ZDHHC11: variants seen among roughly 807,000 people sequenced by gnomAD.
ZDHHC11 encodes the protein zDHHC palmitoyltransferase 11.
Under a neutral mutation model 51.3 loss-of-function variants are expected in ZDHHC11, and 44 were observed. That is an observed-to-expected ratio of 0.86 (90% CI 0.67 to 1.10). The LOEUF is 1.10. Among genes scored for constraint, ZDHHC11 ranks in the 50% least tolerant of loss-of-function variants. The pLI is 0.00. For synonymous variants in ZDHHC11, 163 were observed against 222.0 expected (o/e 0.73, Z 2.36); for missense variants, 400 against 537.7 (o/e 0.74, Z 2.53).
chr5:833,420 T>C (rs1743325596), intron 7 of ZDHHC11, among the ~76,000 whole-genome samples: 2 of 151,788 alleles, frequency 1.3e-5, no homozygotes, highest in Admixed American at 1.3e-4. Context: ...ACAATGTCTA[T>C]GAAACACTAT....
At chr5:840,933 G>A in intron 4 of ZDHHC11, 1 of 1,381,606 alleles carries the variant, frequency 7.2e-7, no homozygotes. Flanking sequence ...TAAGTGCTGG[G>A]GTCACAGCGC....
At chr5:852,297 G>A (rs1747344232), upstream of ZDHHC11, among the ~76,000 whole-genome samples, 1 of 152,212 alleles carries the variant, frequency 6.6e-6, no homozygotes, top group Non-Finnish European at 1.5e-5. Flanking sequence ...CTTGAGCCTT[G>A]AGCCTGGAGA....
intron 11 of ZDHHC11, among the ~76,000 whole-genome samples, chr5:808,327 C>G (rs1579561357): frequency 6.6e-6 from 1 of 152,040 alleles, no homozygotes; most frequent in East Asian, 1.9e-4. Flanking sequence ...TGCAGAGAGA[C>G]AGCCCTATGG....
In ZDHHC11 at chr5:819,993, TGTCAGGTGG is replaced by T. The variant is rs949868709; in HGVS notation, c.1059-390_1059-382del. Among the ~76,000 whole-genome samples the T allele has an allele frequency of 1.6e-4, 24 of 151,356 alleles. 1 individual carries two copies. The East Asian group carries it at 3.9e-3, about 24-fold the overall frequency. ...CAGCACATCATACATGTCACAGGGG[TGTCAGGTGG>T]GTCAGGTGACCTTCATTTTTACCTG... On this transcript the variant is annotated intron_variant, in intron 9 of 12. Transcript: ENST00000283441.
At chr5:804,303 A>T (rs1228289278) in intron 11 of ZDHHC11, among the ~76,000 whole-genome samples, 2 of 151,398 alleles carry the variant, frequency 1.3e-5, no homozygotes, top group Admixed American at 6.6e-5. Flanking sequence ...CTGTATACAC[A>T]ATCTGCCCAT....
In ZDHHC11 at chr5:816,424, G is replaced by A. The variant is rs568507914; in HGVS notation, c.1147-1629C>T. The A allele has an allele frequency of 2.4e-4, 106 of 441,908 alleles. 3 individuals carry two copies. Among genetic ancestry groups the A allele is most frequent in the African/African-American group, 2.0e-3 (99 of 50,138 alleles). 27.4% of individuals were successfully genotyped at this position (441,908 alleles called of 1,614,324 possible). Reference sequence around the variant, plus strand: ...GGGTTGGCGGGGGTTCCAGCTGCGGGACAGGCAGTGGCCGTAGCGGCATGT... The same window carrying A: ...GGGTTGGCGGGGGTTCCAGCTGCGGAACAGGCAGTGGCCGTAGCGGCATGT... On this transcript the variant is annotated intron_variant, in intron 10 of 12. Coordinates refer to ENST00000283441, the MANE Select transcript of ZDHHC11 (RefSeq NM_024786.3).
chr5:840,333 T>G, intron 5 of ZDHHC11, 162 bp downstream of exon 5: 1 of 1,005,266 alleles, frequency 9.9e-7, no homozygotes, highest in Non-Finnish European at 1.5e-6. Context: ...ATCTCACTTC[T>G]GGGAGAGGCT....
At chr5:799,011 A>G (rs1738019377) in intron 12 of ZDHHC11, among the ~76,000 whole-genome samples, 1 of 151,710 alleles carries the variant, frequency 6.6e-6, no homozygotes, top group Non-Finnish European at 1.5e-5. Context: ...TCAGTCACTA[A>G]TCAAGCTCTG....
chr5:843,248 C>T (rs1278761209), intron 4 of ZDHHC11: 8 of 436,244 alleles, frequency 1.8e-5, no homozygotes. Context: ...TGGGCACCCC[C>T]ACCCTCCCAC....
intron 1 of ZDHHC11, among the ~76,000 whole-genome samples, chr5:856,395 G>A (rs1316337899): frequency 6.8e-6 from 1 of 146,614 alleles, no homozygotes; most frequent in Non-Finnish European, 1.5e-5. Context: ...ACATACCACA[G>A]ACACACAACA....
At chr5:799,182 T>A (rs1407602499) in intron 12 of ZDHHC11, among the ~76,000 whole-genome samples, 2 of 151,538 alleles carry the variant, frequency 1.3e-5, no homozygotes, top group Non-Finnish European at 3.0e-5. Context: ...CTGAAGGGAG[T>A]GAGTTCATGC....
chr5:822,005 T>TA (rs1741638011), intron 8 of ZDHHC11, 110 bp from the exon 9 acceptor site: 1 of 944,906 alleles, frequency 1.1e-6, no homozygotes, highest in Non-Finnish European at 1.6e-6. Context: ...TGAGTAATGG[T>TA]ACATCAAGGT....
rs1738761168 is a variant in ZDHHC11 at position 803,326 on chromosome 5, A to T, written c.1182-2162T>A. 2.0e-5 allele frequency among the ~76,000 whole-genome samples: 3 copies of T among 151,446 alleles called. No homozygotes were observed. In the South Asian group the frequency reaches 6.3e-4, roughly 32 times the overall value. On this transcript the variant is annotated intron_variant, in intron 11 of 12. Coordinates refer to ENST00000283441, the MANE Select transcript of ZDHHC11 (RefSeq NM_024786.3). ...CCTTGGAAGATTTACAGAGACAGAC[A>T]TTCCCCCCTTGTTTGTAGCTTGTTT...
chr5:845,316 T>C (rs112183743), intron 3 of ZDHHC11, among the ~76,000 whole-genome samples: 6,123 of 112,990 alleles, frequency 0.054, no homozygotes, highest in African/African-American at 0.21. Flanking sequence ...ACCCCTCATC[T>C]TCATCCTACT....
At chr5:818,408 G>T (rs1741113725) in intron 10 of ZDHHC11, among the ~76,000 whole-genome samples, 1 of 151,742 alleles carries the variant, frequency 6.6e-6, no homozygotes, top group East Asian at 1.9e-4. Context: ...CAGCGTCGCT[G>T]TTCCTCCAGG....
chr5:804,152 T>C (rs545904204), intron 11 of ZDHHC11, among the ~76,000 whole-genome samples: 10 of 151,408 alleles, frequency 6.6e-5, no homozygotes, highest in African/African-American at 2.2e-4. Flanking sequence ...CACAGTCCAA[T>C]AATATTAAAT....
At position 856,352 on chromosome 5, in the gene ZDHHC11, C is replaced by T. The variant is rs78589477; in HGVS notation, c.-1+2522G>A. On this transcript the variant is annotated intron_variant, in intron 1 of 3. Coordinates refer to the ZDHHC11 transcript ENST00000685990. ...ACGCCACACACCACACAATACATAC[C>T]ACATATATCATACAACACAGACCAC... 2.0e-3 allele frequency among the ~76,000 whole-genome samples: 298 copies of T among 149,870 alleles called. 2 individuals carry two copies. The highest frequency in any genetic ancestry group is 7.0e-3 in the African/African-American group (287 of 40,710).
rs200573599 is a variant in ZDHHC11, at chr5:840,605, G to A, written c.674C>T (p.Pro225Leu). 79 of 1,613,832 alleles carry A rather than the reference G, an allele frequency of 4.9e-5. No homozygotes were observed. The highest frequency in any genetic ancestry group is 1.7e-4 in the Middle Eastern group (1 of 6,056). ...NTWLLFLPLF[P>L]VQVQTLIVVI... ...GACTATCAGGGTCTGCACCTGCACC[G>A]GGAACAGGGGGAGGAACAGCAGCCA... Residue 225 changes from proline (P) to leucine (L), a missense_variant, in exon 5 of 13, where the codon CCG (proline) becomes CTG (leucine). Pro to Leu is a moderately conservative substitution (Grantham distance 98). Around this residue, in one of 5 missense-constraint regions of ZDHHC11, gnomAD observed 26 missense variants for 47.1 expected, o/e 0.55. Coordinates refer to ENST00000283441, the MANE Select transcript of ZDHHC11 (RefSeq NM_024786.3).
At chr5:830,004 C>G (rs6868934) in intron 7 of ZDHHC11, among the ~76,000 whole-genome samples, 21,128 of 147,384 alleles carry the variant, frequency 0.14, 822 homozygotes, top group African/African-American at 0.23. Context: ...AATAAAAGCC[C>G]TCTATGACAA....
Sources: allele counts gnomAD v4.1 joint callset (sites outside exome capture counted in the v4.1 genomes callset), GRCh38; gene constraint gnomAD v4.1.1; regional missense constraint gnomAD v4.1.1; transcripts MANE v1.5; gene names NCBI Gene and HGNC (gene_info 2026-07-23, HGNC 2026-07-21).